Variants in MGAT4C observed in about 807,000 individuals in gnomAD.
MGAT4C encodes MGAT4 family member C, also known as alpha-1,3-mannosyl-glycoprotein 4-beta-N-acetylglucosaminyltransferase C.
A neutral mutation model predicts 40.1 loss-of-function variants in MGAT4C; 19 were observed. That is an observed-to-expected ratio of 0.47 (90% CI 0.33 to 0.70). The LOEUF is 0.70. MGAT4C is among the 30% of genes least tolerant of loss of function. The pLI, the probability that MGAT4C is intolerant of heterozygous loss-of-function variation, is 0.02. For synonymous variants in MGAT4C, 181 were observed against 187.1 expected (o/e 0.97, Z 0.27); for missense variants, 491 against 563.2 (o/e 0.87, Z 1.30).
intron 2 of MGAT4C, among the ~76,000 whole-genome samples, chr12:86,677,431 G>T (rs1949888060): frequency 6.6e-6 from 1 of 152,202 alleles, no homozygotes; most frequent in African/African-American, 2.4e-5. Context: ...GTGCTTGCTA[G>T]ATTTACTCTT....
intron 2 of MGAT4C, among the ~76,000 whole-genome samples, chr12:86,569,535 C>T (rs1051522680): frequency 2.0e-5 from 3 of 151,948 alleles, no homozygotes; most frequent in Non-Finnish European, 4.4e-5. Flanking sequence ...GACAAAAATA[C>T]CCCAAATTAA....
At chr12:86,593,507 A>G (rs1386119984) in intron 2 of MGAT4C, among the ~76,000 whole-genome samples, 1 of 152,070 alleles carries the variant, frequency 6.6e-6, no homozygotes, top group Admixed American at 6.6e-5. Flanking sequence ...ATGCATCTGC[A>G]GCTATAAATT....
At chr12:86,013,581 A>G (rs1888737546) in intron 2 of MGAT4C, 1 of 219,930 alleles carries the variant, frequency 4.5e-6, no homozygotes, top group South Asian at 1.6e-4. Flanking sequence ...ATATTCCTAT[A>G]CATATAAATA....
intron 2 of MGAT4C, among the ~76,000 whole-genome samples, chr12:86,693,949 T>A (rs899321630): frequency 6.6e-6 from 1 of 152,164 alleles, no homozygotes; most frequent in Non-Finnish European, 1.5e-5. Flanking sequence ...ATAATGACAT[T>A]CATTACCCGT....
intron 2 of MGAT4C, among the ~76,000 whole-genome samples, chr12:86,480,407 GTA>G (rs962008439): frequency 1.3e-5 from 2 of 150,968 alleles, no homozygotes; most frequent in Non-Finnish European, 3.0e-5. Flanking sequence ...GTACATATAA[GTA>G]TATATATCCA....
intron 1 of MGAT4C, among the ~76,000 whole-genome samples, chr12:86,149,689 G>T (rs1211838119): frequency 6.6e-6 from 1 of 152,144 alleles, no homozygotes; most frequent in Admixed American, 6.5e-5. Flanking sequence ...CTCCTTGTGG[G>T]TTGATATCTT....
chr12:86,796,269 CA>C (rs1952116593), intron 1 of MGAT4C, among the ~76,000 whole-genome samples: 1 of 151,774 alleles, frequency 6.6e-6, no homozygotes, highest in Admixed American at 6.6e-5. Flanking sequence ...CTTCCTTTTC[CA>C]TTTCTTTACT....
At position 85,965,035 on chromosome 12, in the gene MGAT4C, C is replaced by T. The variant is rs1883284706; in HGVS notation, c.*14254G>A. ...GGAGGTCATGGATCCTTCTTGGCAC[C>T]TAAGATTAAAACTCATAGAATGTGC... On this transcript the variant is annotated 3_prime_UTR_variant, in exon 5 of 5. Transcript: ENST00000611864. 1 of 152,170 alleles carries T rather than the reference C, an allele frequency of 6.6e-6. No individual in the cohort carries two copies. Among genetic ancestry groups the T allele is most frequent in the African/African-American group, 2.4e-5 (1 of 41,438 alleles). The allele number at this position is 152,170 out of a possible 1,614,324, so 9.4% of individuals were successfully genotyped here.
intron 2 of MGAT4C, among the ~76,000 whole-genome samples, chr12:86,595,494 G>A (rs1226961405): frequency 5.3e-5 from 8 of 149,912 alleles, no homozygotes; most frequent in Admixed American, 4.0e-4. Context: ...TTGTACCACT[G>A]CACTCCAGCC....
rs528139553 is a variant in MGAT4C at position 86,445,228 on chromosome 12, C to T, written c.-228-9963G>A. Among the ~76,000 whole-genome samples, 4 of 152,190 alleles carry T rather than the reference C, an allele frequency of 2.6e-5. No individual in the cohort carries two copies. The South Asian group carries it at 8.3e-4, about 31-fold the overall frequency. ...ATATGACATTTATAATAAGTTCACA[C>T]ATAAAACCTCTAAAAATTAGAAAGA... On this transcript the variant is annotated intron_variant, in intron 2 of 7. Coordinates refer to the MGAT4C transcript ENST00000548651.
intron 3 of MGAT4C, among the ~76,000 whole-genome samples, chr12:86,429,672 A>T (rs1305882449): frequency 1.3e-5 from 2 of 151,872 alleles, no homozygotes; most frequent in African/African-American, 4.8e-5. Flanking sequence ...TCTTTCATAT[A>T]TGGTGTGTTT....
chr12:86,295,320 G>A (rs947693468), intron 4 of MGAT4C, among the ~76,000 whole-genome samples: 1 of 152,124 alleles, frequency 6.6e-6, no homozygotes, highest in Non-Finnish European at 1.5e-5. Flanking sequence ...AATGTGCCTG[G>A]AATTGGTGGT....
At chr12:86,554,862 G>T (rs1456918299) in intron 2 of MGAT4C, among the ~76,000 whole-genome samples, 1 of 152,042 alleles carries the variant, frequency 6.6e-6, no homozygotes, top group East Asian at 1.9e-4. Flanking sequence ...TGGAAATCTA[G>T]GTTTCCACAG....
intron 2 of MGAT4C, among the ~76,000 whole-genome samples, chr12:86,003,747 TGAAGAAGAA>T (rs147837764): frequency 2.5e-4 from 38 of 151,180 alleles, no homozygotes; most frequent in East Asian, 1.4e-3. Flanking sequence ...TGAAGTTTTG[TGAAGAAGAA>T]GAAGAAGAAG....
intron 4 of MGAT4C, among the ~76,000 whole-genome samples, chr12:86,283,882 G>A (rs1953282132): frequency 6.6e-6 from 1 of 152,070 alleles, no homozygotes; most frequent in South Asian, 2.1e-4. Context: ...GGAATTCAAA[G>A]CATGTTCAAC....
At chr12:86,045,572 C>A (rs1358735567) in intron 2 of MGAT4C, among the ~76,000 whole-genome samples, 1 of 152,100 alleles carries the variant, frequency 6.6e-6, no homozygotes, top group African/African-American at 2.4e-5. Context: ...AACACAAAAA[C>A]AAAACCCCCA....
intron 2 of MGAT4C, chr12:86,016,278 T>C (rs950633888): frequency 6.6e-6 from 1 of 152,206 alleles, no homozygotes; most frequent in Admixed American, 6.5e-5. Context: ...AAGGTTGAAA[T>C]GACCTATCCC....
intron 3 of MGAT4C, among the ~76,000 whole-genome samples, chr12:86,432,838 G>C (rs964706597): frequency 6.6e-6 from 1 of 152,050 alleles, no homozygotes; most frequent in Admixed American, 6.6e-5. Context: ...TTTATAATTA[G>C]AAAGCAATGA....
intron 1 of MGAT4C, among the ~76,000 whole-genome samples, chr12:86,196,293 T>C (rs1300487201): frequency 6.6e-6 from 1 of 152,216 alleles, no homozygotes; most frequent in Non-Finnish European, 1.5e-5. Flanking sequence ...CCTTAGATAT[T>C]AAGGCTCACG....
Sources: allele counts gnomAD v4.1 joint callset (sites outside exome capture counted in the v4.1 genomes callset), GRCh38; gene constraint gnomAD v4.1.1; transcripts MANE v1.5; gene names NCBI Gene and HGNC (gene_info 2026-07-23, HGNC 2026-07-21).